The following OSBPL3 variants were observed in gnomAD, a reference collection of about 807,000 sequenced individuals.
OSBPL3 encodes oxysterol-binding protein-related protein 3.
In OSBPL3, 65 loss-of-function variants were observed where a neutral mutation model predicts 120.1. The ratio of observed to expected loss-of-function variants is 0.54; its 90% confidence interval spans 0.44 to 0.67. OSBPL3 has a LOEUF of 0.67. Among genes scored for constraint, OSBPL3 ranks in the 30% least tolerant of loss-of-function variants. OSBPL3 has a pLI of 0.00. For missense variants in OSBPL3, 1,004 were observed against 1,082.1 expected (o/e 0.93, Z 1.01); for synonymous variants, 416 against 402.6 (o/e 1.03, Z -0.40).
At chr7:24,861,504 T>C (rs1167832457) in intron 10 of OSBPL3, 109 bp downstream of exon 10, 2 of 665,126 alleles carry the variant, frequency 3.0e-6, no homozygotes, top group African/African-American at 1.9e-5. Flanking sequence ...TAAATCTTAA[T>C]AGAGCAGAAA....
intron 2 of OSBPL3, among the ~76,000 whole-genome samples, chr7:24,884,094 A>C (rs997613050): frequency 2.0e-5 from 3 of 149,756 alleles, no homozygotes; most frequent in Non-Finnish European, 3.0e-5. Context: ...GCAACAACAA[A>C]AAAAAACAGC....
rs985594686 is a variant in OSBPL3 at position 24,879,401 on chromosome 7, G to A, written c.97-7332C>T. ...GGAGTAGCAGTCATCACCCGCCACCGTCACCATCCCTTCTTTCCCTTCACA... is the reference window on the plus strand; with the variant it reads ...GGAGTAGCAGTCATCACCCGCCACCATCACCATCCCTTCTTTCCCTTCACA... On this transcript the variant is annotated intron_variant, in intron 2 of 22. Coordinates refer to ENST00000313367, the MANE Select transcript of OSBPL3 (RefSeq NM_015550.4). The surrounding 1 kb of genome is among the most constrained non-coding windows in gnomAD (Gnocchi z 5.6). Among the ~76,000 whole-genome samples, 4 of 152,146 alleles carry A rather than the reference G, an allele frequency of 2.6e-5. No individual in the cohort carries two copies. Among genetic ancestry groups the A allele is most frequent in the Non-Finnish European group, 4.4e-5 (3 of 68,036 alleles).
At chr7:24,812,152 C>T (rs1295307016) in intron 19 of OSBPL3, among the ~76,000 whole-genome samples, 16 of 151,714 alleles carry the variant, frequency 1.1e-4, no homozygotes, top group Admixed American at 1.1e-3. Context: ...ACTAAAAATA[C>T]AAAAATTAGC....
intron 12 of OSBPL3, among the ~76,000 whole-genome samples, chr7:24,847,371 G>A (rs1798579726): frequency 6.6e-6 from 1 of 152,182 alleles, no homozygotes; most frequent in African/African-American, 2.4e-5. Flanking sequence ...ATTTCTGAAA[G>A]AGGAAATAGA....
chr7:24,801,264 A>AT (rs1198994842), intron 22 of OSBPL3, among the ~76,000 whole-genome samples: 1 of 150,698 alleles, frequency 6.6e-6, no homozygotes, highest in African/African-American at 2.4e-5. Flanking sequence ...AAAAAAAAAA[A>AT]AGTAATTGAA....
At position 24,913,597 on chromosome 7, in the gene OSBPL3, A is replaced by G. The variant is rs139819727; in HGVS notation, c.-149-20976T>C. On this transcript the variant is annotated intron_variant, in intron 1 of 22. Coordinates refer to ENST00000313367, the MANE Select transcript of OSBPL3 (RefSeq NM_015550.4). This position sits in a 1 kb window ranked among gnomAD's most constrained non-coding sequence, Gnocchi z 5.3. ...GACACATCACAAAGTGACACTGGGA[A>G]TCTAGGACTGGGCACAAAGATGAAA... is the stretch of plus-strand genomic sequence containing the variant. Among the ~76,000 whole-genome samples, 3 of 152,290 alleles carry G rather than the reference A, an allele frequency of 2.0e-5. No individual in the cohort carries two copies. In the East Asian group the frequency reaches 5.8e-4, roughly 29 times the overall value.
At chr7:24,902,620 T>C (rs1043989720) in intron 1 of OSBPL3, among the ~76,000 whole-genome samples, 6 of 149,094 alleles carry the variant, frequency 4.0e-5, no homozygotes, top group Non-Finnish European at 8.9e-5. Context: ...TCCAAATTGC[T>C]ATTCAAAACG....
At chr7:24,941,470 G>A (rs908767860) in intron 1 of OSBPL3, among the ~76,000 whole-genome samples, 5 of 152,118 alleles carry the variant, frequency 3.3e-5, no homozygotes, top group African/African-American at 1.2e-4. Context: ...AGCTTTCCAA[G>A]GTGTAGTGAG....
rs1316689390 is a variant in OSBPL3 at position 24,855,246 on chromosome 7, C to T, written c.1028-2612G>A. ...TCTCAGTGGGTCCCCTGGGGAGCTA[C>T]CTCTCACTGTCTTGTTTATTGCTCC... On this transcript the variant is annotated intron_variant, in intron 10 of 22. Coordinates refer to ENST00000313367, the MANE Select transcript of OSBPL3 (RefSeq NM_015550.4). This position sits in a 1 kb window ranked among gnomAD's most constrained non-coding sequence, Gnocchi z 4.3. Among the ~76,000 whole-genome samples, 1 of 152,136 alleles carries T rather than the reference C, an allele frequency of 6.6e-6. No individual in the cohort carries two copies. Among genetic ancestry groups the T allele is most frequent in the Non-Finnish European group, 1.5e-5 (1 of 68,022 alleles).
rs761222255 is a variant in OSBPL3, at chr7:24,936,594, T to C, written c.-150+43292A>G. Reference sequence around the variant, plus strand: ...TAGCTGTGGGCCTTGAAACCTCCTATTTGGGCTTCTGCCAGGTGGCAAAGA... The same window carrying C: ...TAGCTGTGGGCCTTGAAACCTCCTACTTGGGCTTCTGCCAGGTGGCAAAGA... On this transcript the variant is annotated intron_variant, in intron 1 of 22. Coordinates refer to ENST00000313367, the MANE Select transcript of OSBPL3 (RefSeq NM_015550.4). The surrounding 1 kb of genome is among the most constrained non-coding windows in gnomAD (Gnocchi z 4.2). Among the ~76,000 whole-genome samples the C allele has an allele frequency of 1.2e-4, 18 of 152,184 alleles. 1 individual carries two copies. The highest frequency in any genetic ancestry group is 4.3e-4 in the African/African-American group (18 of 41,450).
rs1321996802 is a variant in OSBPL3 at position 24,852,702 on chromosome 7, CAT to C, written c.1028-70_1028-69del. Reference sequence around the variant, plus strand: ...ATTAAAAACAAAATACAGAAAAAAACATATCTCTTATAAAAGAAACAAGCAAA... The same window carrying C: ...ATTAAAAACAAAATACAGAAAAAAACATCTCTTATAAAAGAAACAAGCAAA... On this transcript the variant is annotated intron_variant, in intron 10 of 22. Coordinates refer to ENST00000313367, the MANE Select transcript of OSBPL3 (RefSeq NM_015550.4). The surrounding 1 kb of genome is among the most constrained non-coding windows in gnomAD (Gnocchi z 4.1). 1.1e-5 allele frequency: 11 copies of C among 1,038,758 alleles called. No homozygotes were observed. In the Admixed American group the frequency reaches 1.6e-4, roughly 15 times the overall value. The allele number at this position is 1,038,758 out of a possible 1,614,324, so 64.3% of individuals were successfully genotyped here. A position where few individuals can be genotyped will look rare whatever the true frequency, so the allele number is the denominator to read the frequency against.
rs2128285658 is a variant in OSBPL3 at position 24,872,093 on chromosome 7, T to C, written c.97-24A>G. On this transcript the variant is annotated intron_variant, in intron 2 of 22. Coordinates refer to ENST00000313367, the MANE Select transcript of OSBPL3 (RefSeq NM_015550.4). This position sits in a 1 kb window ranked among gnomAD's most constrained non-coding sequence, Gnocchi z 4.1. ...TCCTGTTCCAACAAAAGAGTTCATGTTAAATGTCTATCTTTTTGAAAAATA... is the reference window on the plus strand; with the variant it reads ...TCCTGTTCCAACAAAAGAGTTCATGCTAAATGTCTATCTTTTTGAAAAATA... 1 of 1,446,806 alleles carries C rather than the reference T, an allele frequency of 6.9e-7. No individual in the cohort carries two copies. Among genetic ancestry groups the C allele is most frequent in the East Asian group, 2.3e-5 (1 of 44,176 alleles). The allele number at this position is 1,446,806 out of a possible 1,614,324, so 89.6% of individuals were successfully genotyped here. A position where few individuals can be genotyped will look rare whatever the true frequency, so the allele number is the denominator to read the frequency against.
Position 24,842,359 on chromosome 7 carries a change from T to C in OSBPL3, c.1321A>G (p.Arg441Gly), listed in dbSNP as rs1383752794. The C allele has an allele frequency of 6.2e-7, 1 of 1,612,352 alleles. No homozygotes were observed. Among genetic ancestry groups the C allele is most frequent in the Non-Finnish European group, 8.5e-7 (1 of 1,178,822 alleles). Residue 441 changes from arginine to glycine, a missense_variant, in exon 13 of 23, where the codon AGA becomes GGA. By Grantham distance (125) the Arg-to-Gly change is moderately radical. Coordinates refer to ENST00000313367, the MANE Select transcript of OSBPL3 (RefSeq NM_015550.4). ...GAAAGGGAGTCAGTGATGGAGAGTC[T>C]ACTTTCATTAGAAAGCTGATGAACT... ...ALVHQLSNES[R>G]LSITDSLSEF...
At chr7:24,909,213 C>G (rs919223351) in intron 1 of OSBPL3, among the ~76,000 whole-genome samples, 6 of 152,180 alleles carry the variant, frequency 3.9e-5, no homozygotes, top group Non-Finnish European at 7.4e-5. Context: ...CCACTCTCCC[C>G]TTCTTTAATA....
chr7:24,800,411 C>CT (rs1180991204), intron 22 of OSBPL3, 132 bp from the exon 23 acceptor site: 13 of 541,342 alleles, frequency 2.4e-5, no homozygotes, highest in African/African-American at 2.1e-4. Context: ...AGTGTTGGGA[C>CT]CGGGAATTCT....
rs977961769 is a variant in OSBPL3 at position 24,947,945 on chromosome 7, A to G, written c.-150+31941T>C. 2.0e-5 allele frequency among the ~76,000 whole-genome samples: 3 copies of G among 152,202 alleles called. No homozygotes were observed. The highest frequency in any genetic ancestry group is 6.5e-5 in the Admixed American group (1 of 15,290). ...AAAGATGCAAGAGATTATATCACAG[A>G]TTAAGCTTTAAGAATGATTTTTTTA... is the stretch of plus-strand genomic sequence containing the variant. On this transcript the variant is annotated intron_variant, in intron 1 of 22. Coordinates refer to ENST00000313367, the MANE Select transcript of OSBPL3 (RefSeq NM_015550.4). This position sits in a 1 kb window ranked among gnomAD's most constrained non-coding sequence, Gnocchi z 4.4.
At chr7:24,948,592 A>T (rs1033519507) in intron 1 of OSBPL3, among the ~76,000 whole-genome samples, 1 of 152,218 alleles carries the variant, frequency 6.6e-6, no homozygotes, top group African/African-American at 2.4e-5. Context: ...TATCCATTCT[A>T]TGGAAGAGGA....
At chr7:24,832,509 CAAAG>C (rs1247452302) in intron 15 of OSBPL3, among the ~76,000 whole-genome samples, 1 of 96,686 alleles carries the variant, frequency 1.0e-5, no homozygotes, top group East Asian at 3.0e-4. Flanking sequence ...GACTCTGCCT[CAAAG>C]AAAAAAAAAA....
chr7:24,943,343 T>C (rs1370151133), intron 1 of OSBPL3, among the ~76,000 whole-genome samples: 4 of 152,230 alleles, frequency 2.6e-5, no homozygotes, highest in Non-Finnish European at 5.9e-5. Flanking sequence ...ACTGAAGCTA[T>C]GAGGCAGCCT....
Sources: allele counts gnomAD v4.1 joint callset (sites outside exome capture counted in the v4.1 genomes callset), GRCh38; gene constraint gnomAD v4.1.1; non-coding constraint Gnocchi (gnomAD v3.1); transcripts MANE v1.5; gene names NCBI Gene and HGNC (gene_info 2026-07-23, HGNC 2026-07-21).